Variants in INPP4B observed in about 807,000 individuals in gnomAD.
INPP4B encodes inositol polyphosphate 4-phosphatase type II.
Under a neutral mutation model 122.5 loss-of-function variants are expected in INPP4B, and 55 were observed. The ratio of observed to expected loss-of-function variants is 0.45; its 90% confidence interval spans 0.36 to 0.56. INPP4B has a LOEUF of 0.56. Among genes scored for constraint, INPP4B ranks in the 20% least tolerant of loss-of-function variants. The pLI is 0.00. For synonymous variants in INPP4B, 403 were observed against 388.7 expected (o/e 1.04, Z -0.43); for missense variants, 1,000 against 1,097.7 (o/e 0.91, Z 1.26).
At chr4:142,314,101 C>T (rs543909370) in intron 8 of INPP4B, among the ~76,000 whole-genome samples, 1 of 152,152 alleles carries the variant, frequency 6.6e-6, no homozygotes, top group African/African-American at 2.4e-5. Context: ...ACACACAGAT[C>T]GCAGGGATTC....
intron 18 of INPP4B, among the ~76,000 whole-genome samples, chr4:142,129,328 T>C (rs950753421): frequency 7.9e-5 from 12 of 152,180 alleles, no homozygotes; most frequent in African/African-American, 2.9e-4. Flanking sequence ...AAAATTTTTG[T>C]TGATTTTGAA....
At chr4:142,575,515 G>C (rs140117782) in intron 2 of INPP4B, among the ~76,000 whole-genome samples, 2 of 152,094 alleles carry the variant, frequency 1.3e-5, no homozygotes, top group East Asian at 3.9e-4. Flanking sequence ...GAATGTAAAA[G>C]CTCTACAAGG....
intron 1 of INPP4B, among the ~76,000 whole-genome samples, chr4:142,808,841 C>A (rs1779164881): frequency 6.6e-6 from 1 of 151,992 alleles, no homozygotes; most frequent in South Asian, 2.1e-4. Context: ...GGATGAAAAT[C>A]ATCTATATCT....
At chr4:142,749,528 T>A (rs1769321128) in intron 1 of INPP4B, among the ~76,000 whole-genome samples, 1 of 151,278 alleles carries the variant, frequency 6.6e-6, no homozygotes, top group South Asian at 2.1e-4. Flanking sequence ...GTTTTAAGAA[T>A]CCATTTTAAG....
At position 142,025,266 on chromosome 4, in the gene INPP4B, C is replaced by T. The variant is rs943924158; in HGVS notation, c.*3516G>A. ...GAATCTGCAGTCAGGAAGAGACCCA[C>T]AGTAGCACAATATTGTATCCTGTTT... On this transcript the variant is annotated 3_prime_UTR_variant, in exon 26 of 26. Coordinates refer to ENST00000262992, the MANE Select transcript of INPP4B (RefSeq NM_001101669.3). 3.3e-5 allele frequency: 5 copies of T among 152,090 alleles called. No homozygotes were observed. The highest frequency in any genetic ancestry group is 4.8e-5 in the African/African-American group (2 of 41,410). The allele number at this position is 152,090 out of a possible 1,614,324, so 9.4% of individuals were successfully genotyped here.
At chr4:142,721,561 G>A (rs568068146) in intron 2 of INPP4B, among the ~76,000 whole-genome samples, 3 of 152,184 alleles carry the variant, frequency 2.0e-5, no homozygotes, top group Non-Finnish European at 2.9e-5. Flanking sequence ...TGTGGCTCAC[G>A]CCTGTAATCC....
intron 5 of INPP4B, among the ~76,000 whole-genome samples, chr4:142,428,573 A>C (rs909617616): frequency 2.0e-5 from 3 of 149,508 alleles, no homozygotes; most frequent in Non-Finnish European, 4.4e-5. Flanking sequence ...TCCACTCATT[A>C]GTTAAGTAGT....
At chr4:142,056,051 G>A (rs773386286) in intron 25 of INPP4B, among the ~76,000 whole-genome samples, 6 of 151,740 alleles carry the variant, frequency 4.0e-5, no homozygotes, top group African/African-American at 9.7e-5. Flanking sequence ...TAGATTCCTC[G>A]CATGTGCAGT....
chr4:142,040,613 G>A (rs2667089), intron 25 of INPP4B, among the ~76,000 whole-genome samples: 15,863 of 152,030 alleles, frequency 0.1, 1,527 homozygotes, highest in African/African-American at 0.26. Flanking sequence ...GATAAATAGG[G>A]GATTTCTACA....
At chr4:142,483,483 G>A (rs1434345119) in intron 2 of INPP4B, among the ~76,000 whole-genome samples, 1 of 151,910 alleles carries the variant, frequency 6.6e-6, no homozygotes. Flanking sequence ...TCAGTTTCAG[G>A]TTTTCATTTT....
intron 9 of INPP4B, among the ~76,000 whole-genome samples, chr4:142,304,162 G>A (rs1442370963): frequency 6.6e-6 from 1 of 152,026 alleles, no homozygotes; most frequent in Non-Finnish European, 1.5e-5. Flanking sequence ...TATGAATCCA[G>A]GGGCATATGG....
chr4:142,268,322 C>CAAAAAAAAAAAAAAAAAAA (rs56908599), intron 10 of INPP4B, among the ~76,000 whole-genome samples: 108 of 6,902 alleles, frequency 0.016, 43 homozygotes, highest in Non-Finnish European at 0.034. Flanking sequence ...GACTCCGTCT[C>CAAAAAAAAAAAAAAAAAAA]AAAAAAAAAA....
intron 7 of INPP4B, among the ~76,000 whole-genome samples, chr4:142,337,887 C>G (rs926449781): frequency 6.6e-6 from 1 of 150,990 alleles, no homozygotes; most frequent in Non-Finnish European, 1.5e-5. Flanking sequence ...TTTCACGTCT[C>G]TTAGACATTC....
intron 9 of INPP4B, 73 bp from the exon 10 acceptor site, chr4:142,270,847 G>T (rs1280128204): frequency 6.0e-6 from 6 of 994,098 alleles, no homozygotes; most frequent in Non-Finnish European, 9.6e-6. Context: ...AAACACATTT[G>T]TTTCTGAAAA....
At chr4:142,261,123 C>G (rs952181795) in intron 10 of INPP4B, among the ~76,000 whole-genome samples, 6 of 152,152 alleles carry the variant, frequency 3.9e-5, no homozygotes, top group Non-Finnish European at 8.8e-5. Flanking sequence ...AGCTCCTGAC[C>G]TTTACAGTAC....
chr4:142,398,419 T>A lies in INPP4B; in HGVS notation c.372+4519A>T, dbSNP rs1426517329. ...AAAAAAAAATATATATATATATATA[T>A]ATATATATATATATATATATATATA... On this transcript the variant is annotated intron_variant, in intron 7 of 25. Transcript: ENST00000262992. Among the ~76,000 whole-genome samples, 261 of 44,006 alleles carry A rather than the reference T, an allele frequency of 5.9e-3. 2 individuals carry two copies. The highest frequency in any genetic ancestry group is 8.6e-3 in the African/African-American group (162 of 18,894). The allele number at this position is 44,006 out of a possible 152,430, so 28.9% of individuals were successfully genotyped here.
chr4:142,642,766 T>A (rs1268826348), intron 2 of INPP4B, among the ~76,000 whole-genome samples: 1 of 152,130 alleles, frequency 6.6e-6, no homozygotes, highest in South Asian at 2.1e-4. Context: ...TTTTTGGTTC[T>A]ATATGAACTT....
chr4:142,170,745 C>T (rs1825222243), intron 16 of INPP4B, among the ~76,000 whole-genome samples: 1 of 151,706 alleles, frequency 6.6e-6, no homozygotes, highest in African/African-American at 2.4e-5. Flanking sequence ...CCACTACTAT[C>T]GAGTTTTGGA....
In INPP4B at chr4:142,074,077, G is replaced by T. The variant is rs115320232; in HGVS notation, c.2642+7954C>A. 5.0e-4 allele frequency among the ~76,000 whole-genome samples: 76 copies of T among 152,088 alleles called. No homozygotes were observed. In the East Asian group the frequency reaches 0.013, roughly 26 times the overall value. ...CATTCTCTGTCCAAACCCAAGGGAT[G>T]CTCCTGTCTTATTCCACTGTGCTTT... On this transcript the variant is annotated intron_variant, in intron 25 of 25. Coordinates refer to ENST00000262992, the MANE Select transcript of INPP4B (RefSeq NM_001101669.3).
Sources: gnomAD v4.1 joint callset for allele counts (sites outside exome capture counted in the v4.1 genomes callset) on GRCh38, gnomAD v4.1.1 for gene constraint, MANE v1.5 for transcripts, NCBI Gene and HGNC (gene_info 2026-07-23, HGNC 2026-07-21) for gene names.